Variants in UPF3A observed in about 807,000 individuals in gnomAD.
UPF3A encodes regulator of nonsense transcripts 3A.
A neutral mutation model predicts 53.5 loss-of-function variants in UPF3A; 42 were observed. The observed-to-expected ratio is 0.78, with a 90% CI of 0.61 to 1.01. UPF3A has a LOEUF of 1.01. UPF3A is among the 50% of genes least tolerant of loss of function. The pLI is 0.00. For synonymous variants in UPF3A, 237 were observed against 225.3 expected, an observed-to-expected ratio of 1.05 and a Z score of -0.47; for missense variants, 575 against 598.0, an observed-to-expected ratio of 0.96 and a Z score of 0.40.
chr13:114,283,951 A>G (rs1190125562), intron 3 of UPF3A: 3 of 985,336 alleles, frequency 3.0e-6, no homozygotes, highest in African/African-American at 3.5e-5. Context: ...AGATTGTTAA[A>G]AAAATAAGCA....
intron 2 of UPF3A, chr13:114,282,333 A>T: frequency 3.1e-6 from 3 of 952,736 alleles, no homozygotes; most frequent in Non-Finnish European, 4.4e-6. Context: ...TTTACATGAA[A>T]AATGCGGATG....
Position 114,305,535 on chromosome 13 carries a change from G to C in UPF3A, c.*618G>C, listed in dbSNP as rs1207556463. Reference sequence around the variant, plus strand: ...CCGGATAGAAACGGTTTCAGTCTCTGGATGGATGTGTTTGTGGTTTGTAAC... The same window carrying C: ...CCGGATAGAAACGGTTTCAGTCTCTCGATGGATGTGTTTGTGGTTTGTAAC... On this transcript the variant is annotated 3_prime_UTR_variant, in exon 10 of 10. Transcript: ENST00000375299. 2 of 156,568 alleles carry C rather than the reference G, an allele frequency of 1.3e-5. No homozygotes were observed. The highest frequency in any genetic ancestry group is 2.8e-5 in the Non-Finnish European group (2 of 70,396). The allele number at this position is 156,568 out of a possible 1,614,324, so 9.7% of individuals were successfully genotyped here.
At chr13:114,285,921 T>G in intron 3 of UPF3A, 1 of 181,356 alleles carries the variant, frequency 5.5e-6, no homozygotes, top group Non-Finnish European at 1.2e-5. Flanking sequence ...GCTGGGGAGG[T>G]CAGGTATATT....
chr13:114,298,763 T>A, intron 7 of UPF3A, 77 bp from the exon 8 acceptor site: 1 of 1,321,894 alleles, frequency 7.6e-7, no homozygotes, highest in Non-Finnish European at 9.9e-7. Flanking sequence ...TTGGGGTATA[T>A]TTGTAATTAT....
At chr13:114,296,244 A>G (rs113280786) in intron 7 of UPF3A, among the ~76,000 whole-genome samples, 2,576 of 152,202 alleles carry the variant, frequency 0.017, 49 homozygotes, top group Middle Eastern at 0.099. Flanking sequence ...TTAGCCAGGC[A>G]TGGTGGCGCA....
intron 7 of UPF3A, among the ~76,000 whole-genome samples, chr13:114,296,358 G>A (rs577521943): frequency 3.7e-4 from 56 of 152,182 alleles, no homozygotes; most frequent in Admixed American, 5.9e-4. Flanking sequence ...GTCTAGCTTG[G>A]GTGACAGAGC....
chr13:114,287,798 C>T (rs540788423), intron 5 of UPF3A, among the ~76,000 whole-genome samples: 1 of 152,180 alleles, frequency 6.6e-6, no homozygotes, highest in East Asian at 1.9e-4. Context: ...AGTCCGTTCA[C>T]TTTCTTCATT....
At chr13:114,302,993 A>G (rs1287189116) in intron 9 of UPF3A, among the ~76,000 whole-genome samples, 2 of 152,132 alleles carry the variant, frequency 1.3e-5, no homozygotes, top group African/African-American at 4.8e-5. Context: ...CCAGCTACTC[A>G]GGAGGCTGAG....
intron 7 of UPF3A, among the ~76,000 whole-genome samples, chr13:114,292,954 C>T (rs549387584): frequency 3.6e-4 from 55 of 151,774 alleles, no homozygotes; most frequent in Admixed American, 5.9e-4. Context: ...ACGCCTTAAT[C>T]CCAGCTACTC....
chr13:114,282,629 G>A (rs1360846288), intron 2 of UPF3A: 4 of 985,246 alleles, frequency 4.1e-6, no homozygotes, highest in African/African-American at 1.7e-5. Flanking sequence ...CTGGGCAGTG[G>A]AGAAGGGACC....
intron 9 of UPF3A, among the ~76,000 whole-genome samples, chr13:114,303,175 C>T (rs1402305159): frequency 6.6e-6 from 1 of 152,152 alleles, no homozygotes; most frequent in African/African-American, 2.4e-5. Context: ...TGAATGAACA[C>T]CTCTAGAATA....
chr13:114,294,349 G>A (rs1165172104), intron 7 of UPF3A, among the ~76,000 whole-genome samples: 1 of 151,482 alleles, frequency 6.6e-6, no homozygotes, highest in East Asian at 1.9e-4. Flanking sequence ...GCTCACTGCA[G>A]CCTCTACCTC....
rs1450585812 is a variant in UPF3A at position 114,281,850 on chromosome 13, G to A, written c.207+4G>A. 5 of 1,527,726 alleles carry A rather than the reference G, an allele frequency of 3.3e-6. No homozygotes were observed. The highest frequency in any genetic ancestry group is 4.4e-6 in the Non-Finnish European group (5 of 1,136,042). The allele number at this position is 1,527,726 out of a possible 1,614,324, so 94.6% of individuals were successfully genotyped here. On this transcript the variant is annotated splice_donor_region_variant and intron_variant, in intron 1 of 9. Transcript: ENST00000375299. ...GAAGAGGACGGCCCTGAGCAAGGTG[G>A]GGACGGGGGCGGGGCGCGCAAACCT...
rs750360347 is a variant in UPF3A at position 114,281,854 on chromosome 13, C to T, written c.207+8C>T. On this transcript the variant is annotated splice_region_variant and intron_variant, in intron 1 of 9. Coordinates refer to ENST00000375299, the MANE Select transcript of UPF3A (RefSeq NM_023011.4). The stretch of plus-strand genomic sequence containing the variant: ...AGGACGGCCCTGAGCAAGGTGGGGA[C>T]GGGGGCGGGGCGCGCAAACCTCGCG... 8.6e-6 allele frequency: 12 copies of T among 1,398,736 alleles called. No homozygotes were observed. The highest frequency in any genetic ancestry group is 1.5e-5 in the African/African-American group (1 of 65,800). The allele number at this position is 1,398,736 out of a possible 1,614,324, so 86.6% of individuals were successfully genotyped here.
intron 5 of UPF3A, among the ~76,000 whole-genome samples, chr13:114,290,954 C>T (rs1278860805): frequency 6.6e-6 from 1 of 151,848 alleles, no homozygotes; most frequent in Admixed American, 6.6e-5. Context: ...AGGCTGGTCT[C>T]GAATTCCCAA....
At position 114,281,700 on chromosome 13, in the gene UPF3A, A is replaced by G. The variant is rs1446360989; in HGVS notation, c.61A>G (p.Ser21Gly). 4 of 1,543,680 alleles carry G rather than the reference A, an allele frequency of 2.6e-6. No homozygotes were observed. The highest frequency in any genetic ancestry group is 3.9e-5 in the Admixed American group (2 of 51,336). Residue 21 changes from serine to glycine, a missense_variant, in exon 1 of 10, where the codon AGC becomes GGC. Physicochemically the swap from Ser to Gly is moderately conservative, Grantham distance 56 (BLOSUM62 0). This residue lies in a region of UPF3A where 252 missense variants were observed against 182.7 expected (regional missense o/e 1.38). Coordinates refer to ENST00000375299, the MANE Select transcript of UPF3A (RefSeq NM_023011.4). The part of the protein sequence containing the change: ...LRAAVAARGP[S>G]GREKLSALEV... ...GGCGGCCGTTGCCGCGCGGGGCCCG[A>G]GCGGGAGGGAGAAGCTGTCGGCCCT...
chr13:114,299,484 C>T (rs1178975997), intron 8 of UPF3A, among the ~76,000 whole-genome samples: 1 of 152,204 alleles, frequency 6.6e-6, no homozygotes, highest in Non-Finnish European at 1.5e-5. Flanking sequence ...ATTTTAAGTG[C>T]TGTGATCCTT....
intron 7 of UPF3A, among the ~76,000 whole-genome samples, chr13:114,295,329 G>A (rs1257101364): frequency 7.1e-6 from 1 of 141,200 alleles, no homozygotes; most frequent in Non-Finnish European, 1.6e-5. Context: ...CTCGTCTCCA[G>A]CAGCTCTGGC....
At chr13:114,291,391 G>C in intron 5 of UPF3A, 98 bp from the exon 6 acceptor site, 1 of 1,162,034 alleles carries the variant, frequency 8.6e-7, no homozygotes, top group Non-Finnish European at 1.2e-6. Flanking sequence ...GTAATGATAT[G>C]GTTCCCGTAT....
Sources: allele counts gnomAD v4.1 joint callset (sites outside exome capture counted in the v4.1 genomes callset), GRCh38; gene constraint gnomAD v4.1.1; regional missense constraint gnomAD v4.1.1; transcripts MANE v1.5; gene names NCBI Gene and HGNC (gene_info 2026-07-23, HGNC 2026-07-21).